Variants in MYH10 observed in about 807,000 individuals in gnomAD.
The protein encoded by MYH10 is myosin-10.
MYH10 carries 55 observed loss-of-function variants against 257.8 expected under a neutral mutation model. The ratio of observed to expected loss-of-function variants is 0.21; its 90% confidence interval spans 0.17 to 0.27. MYH10 has a LOEUF of 0.27. Ranked by LOEUF, MYH10 falls within the 10% of genes least tolerant of loss-of-function variation. MYH10 has a pLI of 1.00. For missense variants in MYH10, 1,631 were observed against 2,500.6 expected (o/e 0.65, Z 7.42); for synonymous variants, 854 against 921.7 (o/e 0.93, Z 1.33).
chr17:8,627,094 C>G (rs533816793), intron 1 of MYH10, among the ~76,000 whole-genome samples: 6 of 152,170 alleles, frequency 3.9e-5, no homozygotes, highest in African/African-American at 1.2e-4. Context: ...TGTAATTACA[C>G]AGCATGTTCC....
chr17:8,498,092 C>T (rs1461896873), intron 30 of MYH10, among the ~76,000 whole-genome samples: 2 of 149,280 alleles, frequency 1.3e-5, no homozygotes, highest in South Asian at 2.2e-4. Flanking sequence ...AAGCGATTCT[C>T]CTGCCTCAGC....
In MYH10 at chr17:8,477,119, C is replaced by A; in HGVS notation, c.5707-71G>T. The stretch of plus-strand genomic sequence containing the variant: ...AGTGTCGGCCTCTCTGTACCCCGAG[C>A]GTGGCAGTGTGGGGCTCTGCCTGTT... On this transcript the variant is annotated intron_variant, in intron 41 of 42. Coordinates refer to ENST00000360416, the MANE Select transcript of MYH10 (RefSeq NM_001256012.3). This position sits in a 1 kb window ranked among gnomAD's most constrained non-coding sequence, Gnocchi z 4.2. 1 of 1,564,538 alleles carries A rather than the reference C, an allele frequency of 6.4e-7. No homozygotes were observed.
intron 28 of MYH10, among the ~76,000 whole-genome samples, chr17:8,502,480 T>TTGTGTTTGTGTGTGTGTG (rs1555574941): frequency 6.7e-6 from 1 of 150,142 alleles, no homozygotes; most frequent in Non-Finnish European, 1.5e-5. Flanking sequence ...GGGAAAATAG[T>TTGTGTTTGTGTGTGTGTG]TGTGTGTGTG....
rs779263369 is a variant in MYH10, at chr17:8,492,343, G to A, written c.4625C>T (p.Ala1542Val). The A allele has an allele frequency of 1.2e-6, 2 of 1,613,672 alleles. No individual in the cohort carries two copies. The highest frequency in any genetic ancestry group is 2.2e-5 in the South Asian group (2 of 91,086). The change falls in exon 34 of 43, where the codon GCA becomes GTA. Residue 1542 changes from alanine to valine, a missense_variant. Ala to Val is a moderately conservative substitution (Grantham distance 64). Coordinates refer to ENST00000360416, the MANE Select transcript of MYH10 (RefSeq NM_001256012.3). ...EFERQNKQLR[A>V]DMEDLMSSKD... is the part of the protein sequence containing the mutation. ...GGAGCTCATGAGGTCTTCCATGTCT[G>A]CTCGGAGCTGCTTGTTCTGCCTCTC...
At chr17:8,497,683 G>T (rs1013915931) in intron 30 of MYH10, among the ~76,000 whole-genome samples, 1 of 141,414 alleles carries the variant, frequency 7.1e-6, no homozygotes, top group Admixed American at 7.4e-5. Context: ...AGCTTGCAGT[G>T]AGCCGAGATT....
intron 17 of MYH10, among the ~76,000 whole-genome samples, chr17:8,528,404 A>G (rs1450962845): frequency 6.6e-6 from 1 of 152,134 alleles, no homozygotes; most frequent in East Asian, 1.9e-4. Context: ...AGACTTTCAA[A>G]ATATACTTGG....
chr17:8,572,723 T>C (rs1340989461), intron 6 of MYH10, among the ~76,000 whole-genome samples: 1 of 152,148 alleles, frequency 6.6e-6, no homozygotes, highest in Admixed American at 6.5e-5. Flanking sequence ...TCCGTCCCTG[T>C]TGCTGGTCCC....
rs777908464 is a variant in MYH10 at position 8,490,602 on chromosome 17, T to C, written c.4672-50A>G. The C allele has an allele frequency of 6.4e-7, 1 of 1,570,718 alleles. No individual in the cohort carries two copies. The highest frequency in any genetic ancestry group is 1.7e-5 in the Admixed American group (1 of 59,832). ...GAGTTGACCGGGGTGGAGGCACATA[T>C]GAAGAACAGCAGTCTTACTGTTTTA... On this transcript the variant is annotated intron_variant, in intron 34 of 42. Transcript: ENST00000360416. The surrounding 1 kb of genome is among the most constrained non-coding windows in gnomAD (Gnocchi z 4.1).
intron 26 of MYH10, 77 bp downstream of exon 26, chr17:8,508,477 T>A (rs1705004986): frequency 6.4e-7 from 1 of 1,573,982 alleles, no homozygotes; most frequent in East Asian, 2.3e-5. Flanking sequence ...ATTTTTTATT[T>A]TTGCATGTTC....
intron 3 of MYH10, among the ~76,000 whole-genome samples, chr17:8,598,435 C>T (rs907624471): frequency 3.9e-5 from 6 of 152,128 alleles, no homozygotes; most frequent in South Asian, 2.1e-4. Flanking sequence ...TTCTTTGTTC[C>T]AATCCACTTA....
rs71159599 is a variant in MYH10, at chr17:8,585,288, G to GTATATATATATA, written c.530+3781_530+3792dup. ...TATATATATGTGCATGTGTGTGTGT[G>GTATATATATATA]TATATATATATATATATAGCTACAT... On this transcript the variant is annotated intron_variant, in intron 4 of 42. Transcript: ENST00000360416. 2.3e-4 allele frequency among the ~76,000 whole-genome samples: 23 copies of GTATATATATATA among 99,324 alleles called. 2 individuals are homozygous for GTATATATATATA. Among genetic ancestry groups the GTATATATATATA allele is most frequent in the South Asian group, 1.1e-3 (3 of 2,612 alleles). The allele number at this position is 99,324 out of a possible 152,430, so 65.2% of individuals were successfully genotyped here. A position where few individuals can be genotyped will look rare whatever the true frequency, so the allele number is the denominator to read the frequency against.
chr17:8,607,441 C>G (rs889938628), intron 2 of MYH10, among the ~76,000 whole-genome samples: 1 of 152,162 alleles, frequency 6.6e-6, no homozygotes, highest in Non-Finnish European at 1.5e-5. Context: ...AATATGAGTT[C>G]ATCATCAAAA....
At position 8,552,311 on chromosome 17, in the gene MYH10, A is replaced by C. The variant is rs2082666569; in HGVS notation, c.821-167T>G. ...TAAATGACTGTCTTCCATCTGTGAA[A>C]AAAGAAAATAGGTGCAACTTACGTT... On this transcript the variant is annotated intron_variant, in intron 8 of 42. Coordinates refer to ENST00000360416, the MANE Select transcript of MYH10 (RefSeq NM_001256012.3). This position sits in a 1 kb window ranked among gnomAD's most constrained non-coding sequence, Gnocchi z 4.8. Among the ~76,000 whole-genome samples, 1 of 152,194 alleles carries C rather than the reference A, an allele frequency of 6.6e-6. No homozygotes were observed. The highest frequency in any genetic ancestry group is 2.4e-5 in the African/African-American group (1 of 41,432).
At chr17:8,560,932 G>C (rs1167395818) in intron 7 of MYH10, 3 of 475,880 alleles carry the variant, frequency 6.3e-6, no homozygotes, top group African/African-American at 5.9e-5. Context: ...AGACTGGCAA[G>C]AAGATCACCA....
Position 8,535,270 on chromosome 17 carries a change from G to T in MYH10, c.1894+117C>A. The T allele has an allele frequency of 1.4e-6, 1 of 707,206 alleles. No individual in the cohort carries two copies. Among genetic ancestry groups the T allele is most frequent in the Non-Finnish European group, 2.2e-6 (1 of 452,578 alleles). The allele number at this position is 707,206 out of a possible 1,614,324, so 43.8% of individuals were successfully genotyped here. ...TAACGGCAGCCCTGCTCTAGGGAAAGAAAGATTTTAAAGTAAGAAGTTATA... is the reference window on the plus strand; with the variant it reads ...TAACGGCAGCCCTGCTCTAGGGAAATAAAGATTTTAAAGTAAGAAGTTATA... On this transcript the variant is annotated intron_variant, in intron 16 of 42. Transcript: ENST00000360416. This position sits in a 1 kb window ranked among gnomAD's most constrained non-coding sequence, Gnocchi z 4.3.
intron 14 of MYH10, among the ~76,000 whole-genome samples, chr17:8,536,624 C>A (rs1042854258): frequency 5.9e-5 from 9 of 151,988 alleles, no homozygotes; most frequent in African/African-American, 1.9e-4. Flanking sequence ...GATGGTGAAA[C>A]CCCGCCTCTA....
chr17:8,586,956 C>G (rs1219343504), intron 4 of MYH10, among the ~76,000 whole-genome samples: 1 of 152,170 alleles, frequency 6.6e-6, no homozygotes, highest in African/African-American at 2.4e-5. Context: ...TGTTTCCCAC[C>G]TGACTCATGC....
rs546296692 is a variant in MYH10 at position 8,535,213 on chromosome 17, C to A, written c.1894+174G>T. 2.6e-5 allele frequency among the ~76,000 whole-genome samples: 4 copies of A among 152,236 alleles called. No individual in the cohort carries two copies. Among genetic ancestry groups the A allele is most frequent in the African/African-American group, 7.2e-5 (3 of 41,532 alleles). On this transcript the variant is annotated intron_variant, in intron 16 of 42. Coordinates refer to ENST00000360416, the MANE Select transcript of MYH10 (RefSeq NM_001256012.3). The surrounding 1 kb of genome is among the most constrained non-coding windows in gnomAD (Gnocchi z 4.3). ...GCTGTCTCTGTATTCATTTCTTAAC[C>A]CAAGTATTGTTAAAACGGATAAATT...
chr17:8,621,831 C>T (rs2085479509), intron 2 of MYH10, among the ~76,000 whole-genome samples: 1 of 152,204 alleles, frequency 6.6e-6, no homozygotes, highest in African/African-American at 2.4e-5. Flanking sequence ...CCTTCACAAA[C>T]AGCCCTTAAC....
Sources: allele counts gnomAD v4.1 joint callset (sites outside exome capture counted in the v4.1 genomes callset), GRCh38; gene constraint gnomAD v4.1.1; non-coding constraint Gnocchi (gnomAD v3.1); transcripts MANE v1.5; gene names NCBI Gene and HGNC (gene_info 2026-07-23, HGNC 2026-07-21).